CBFA2T2: variants seen among roughly 807,000 people sequenced by gnomAD.
CBFA2T2 encodes protein CBFA2T2.
CBFA2T2 carries 11 observed loss-of-function variants against 62.2 expected under a neutral mutation model. That is an observed-to-expected ratio of 0.18 (90% CI 0.11 to 0.29). CBFA2T2 has a LOEUF of 0.29. CBFA2T2 is among the 10% of genes least tolerant of loss of function. The probability of loss-of-function intolerance (pLI) is 1.00; values close to 1 mark genes in which losing one functional copy is unlikely to be tolerated. For missense variants in CBFA2T2, 592 were observed against 774.1 expected (o/e 0.76, Z 2.79); for synonymous variants, 295 against 287.5 (o/e 1.03, Z -0.27).
intron 1 of CBFA2T2, among the ~76,000 whole-genome samples, chr20:33,596,553 CTTTTT>C (rs2014899404): frequency 6.6e-6 from 1 of 152,024 alleles, no homozygotes; most frequent in Non-Finnish European, 1.5e-5. Context: ...CTTGGCTTTT[CTTTTT>C]CAGTCTCTTT....
chr20:33,588,351 A>C (rs1471759219), intron 1 of CBFA2T2, among the ~76,000 whole-genome samples: 2 of 150,924 alleles, frequency 1.3e-5, no homozygotes. Context: ...AACAGGTGCA[A>C]ATGAAGAAAT....
At chr20:33,628,611 G>A (rs2016338852) in intron 7 of CBFA2T2, among the ~76,000 whole-genome samples, 176 bp downstream of exon 7, 1 of 152,300 alleles carries the variant, frequency 6.6e-6, no homozygotes, top group Admixed American at 6.5e-5. Context: ...TGGGATTACA[G>A]GTGTACGCCA....
chr20:33,550,147 C>T (rs2012698297), intron 1 of CBFA2T2, among the ~76,000 whole-genome samples: 1 of 151,872 alleles, frequency 6.6e-6, no homozygotes, highest in South Asian at 2.1e-4. Context: ...AGGTGTATAC[C>T]CCAAGTATGA....
At chr20:33,561,407 T>C (rs1162440274) in intron 1 of CBFA2T2, among the ~76,000 whole-genome samples, 1 of 152,218 alleles carries the variant, frequency 6.6e-6, no homozygotes, top group Admixed American at 6.5e-5. Flanking sequence ...CTTTTTATTT[T>C]AAAATGTAGA....
chr20:33,502,580 T>G (rs2011309959), intron 1 of CBFA2T2, among the ~76,000 whole-genome samples: 1 of 151,532 alleles, frequency 6.6e-6, no homozygotes, highest in Non-Finnish European at 1.5e-5. Flanking sequence ...ATTTTTTGTA[T>G]TTTTAGTAGA....
intron 1 of CBFA2T2, among the ~76,000 whole-genome samples, chr20:33,606,394 A>G (rs560190695): frequency 3.3e-5 from 5 of 152,180 alleles, no homozygotes; most frequent in South Asian, 2.1e-4. Context: ...ACAAAGTACC[A>G]CTAACTGAGT....
chr20:33,531,755 T>G (rs943174700), intron 1 of CBFA2T2, among the ~76,000 whole-genome samples: 12 of 152,202 alleles, frequency 7.9e-5, no homozygotes, highest in African/African-American at 2.7e-4. Flanking sequence ...GAGTCTAGCA[T>G]TTGGAATTCC....
At chr20:33,561,320 C>A (rs747519929) in intron 1 of CBFA2T2, among the ~76,000 whole-genome samples, 2 of 152,132 alleles carry the variant, frequency 1.3e-5, no homozygotes, top group Non-Finnish European at 2.9e-5. Context: ...AGCGACCTGA[C>A]CACCTTGGCC....
intron 3 of CBFA2T2, among the ~76,000 whole-genome samples, chr20:33,617,107 A>C (rs2074540031): frequency 6.6e-6 from 1 of 152,186 alleles, no homozygotes; most frequent in African/African-American, 2.4e-5. Context: ...ACGGTGGCTC[A>C]CGCCTGTAAT....
intron 1 of CBFA2T2, among the ~76,000 whole-genome samples, chr20:33,563,395 T>C (rs2013162816): frequency 6.6e-6 from 1 of 152,288 alleles, no homozygotes; most frequent in South Asian, 2.1e-4. Flanking sequence ...GAAATAGAGA[T>C]GGGTCTCACT....
chr20:33,537,962 A>G (rs1000129200), intron 1 of CBFA2T2, among the ~76,000 whole-genome samples: 2 of 151,574 alleles, frequency 1.3e-5, no homozygotes, highest in Admixed American at 6.6e-5. Flanking sequence ...GGTTCTTTGC[A>G]TTTCCAAATA....
intron 8 of CBFA2T2, 77 bp from the exon 9 acceptor site, chr20:33,636,563 A>G: frequency 9.2e-7 from 1 of 1,084,592 alleles, no homozygotes; most frequent in Non-Finnish European, 1.4e-6. Flanking sequence ...TAAGTGGTGA[A>G]TGAGAAATCT....
intron 1 of CBFA2T2, among the ~76,000 whole-genome samples, chr20:33,501,040 C>T (rs927263079): frequency 2.6e-5 from 4 of 152,144 alleles, no homozygotes; most frequent in Non-Finnish European, 4.4e-5. Flanking sequence ...TGCAATGTGG[C>T]TCTTTAAGAT....
intron 1 of CBFA2T2, chr20:33,600,442 C>T (rs2015087140): frequency 5.0e-6 from 2 of 397,180 alleles, no homozygotes; most frequent in South Asian, 1.8e-5. Context: ...CCTGCATTGG[C>T]CTCCCAACGT....
At chr20:33,577,994 G>A (rs889667960) in intron 1 of CBFA2T2, among the ~76,000 whole-genome samples, 7 of 152,102 alleles carry the variant, frequency 4.6e-5, no homozygotes, top group Non-Finnish European at 1.5e-5. Context: ...AGAAAGTCTT[G>A]TCCTACTCAA....
chr20:33,633,243 A>C (rs1012126880), intron 8 of CBFA2T2, among the ~76,000 whole-genome samples: 12 of 152,044 alleles, frequency 7.9e-5, no homozygotes, highest in Non-Finnish European at 1.5e-4. Flanking sequence ...ATGGTAGCAC[A>C]TGCCTGTACT....
At chr20:33,531,517 CATTCTGGAATCCTT>C (rs1180905554) in intron 1 of CBFA2T2, among the ~76,000 whole-genome samples, 1 of 152,212 alleles carries the variant, frequency 6.6e-6, no homozygotes, top group African/African-American at 2.4e-5. Context: ...AAACTACTTT[CATTCTGGAATCCTT>C]ATCCTTAGAC....
chr20:33,601,165 C>CAG (rs1191893131), intron 1 of CBFA2T2, among the ~76,000 whole-genome samples: 2 of 152,206 alleles, frequency 1.3e-5, no homozygotes, highest in African/African-American at 4.8e-5. Context: ...CCGCCCACCT[C>CAG]AGTCTCCCAA....
intron 6 of CBFA2T2, among the ~76,000 whole-genome samples, chr20:33,627,255 G>A (rs1337349612): frequency 2.6e-5 from 4 of 152,006 alleles, no homozygotes; most frequent in Admixed American, 2.6e-4. Context: ...AAATTAGCTG[G>A]GCGTGGTTAC....
Sources: gnomAD v4.1 joint callset for allele counts (sites outside exome capture counted in the v4.1 genomes callset) on GRCh38, gnomAD v4.1.1 for gene constraint, MANE v1.5 for transcripts, NCBI Gene and HGNC (gene_info 2026-07-23, HGNC 2026-07-21) for gene names.